The following SASS6 variants were observed in gnomAD, a reference collection of about 807,000 sequenced individuals.
SASS6 encodes spindle assembly abnormal protein 6 homolog.
In SASS6, 59 loss-of-function variants were observed where a neutral mutation model predicts 94.9. The observed-to-expected ratio is 0.62, with a 90% CI of 0.50 to 0.77. SASS6 has a LOEUF of 0.77. SASS6 is among the 30% of genes least tolerant of loss of function. The pLI, the probability that SASS6 is intolerant of heterozygous loss-of-function variation, is 0.00. For missense variants in SASS6, 698 were observed against 734.1 expected, an observed-to-expected ratio of 0.95 and a Z score of 0.57; for synonymous variants, 264 against 270.0, an observed-to-expected ratio of 0.98 and a Z score of 0.22.
intron 1 of SASS6, among the ~76,000 whole-genome samples, chr1:100,126,544 G>A (rs986589229): frequency 9.2e-5 from 14 of 152,150 alleles, no homozygotes; most frequent in African/African-American, 2.4e-4. Context: ...TTGGGTGGCT[G>A]AAGCAGGCAG....
In SASS6 at chr1:100,085,522, A is replaced by C. The variant is rs1651180495; in HGVS notation, c.1867+14T>G. On this transcript the variant is annotated intron_variant, in intron 16 of 16. Coordinates refer to ENST00000287482, the MANE Select transcript of SASS6 (RefSeq NM_194292.3). The stretch of plus-strand genomic sequence containing the variant: ...TCAACTATAAAGTACAAAAATCCAG[A>C]AATCCCTGCTTACCTGAATTACTAA... 2 of 1,601,518 alleles carry C rather than the reference A, an allele frequency of 1.2e-6. No homozygotes were observed. Among genetic ancestry groups the C allele is most frequent in the African/African-American group, 1.3e-5 (1 of 74,650 alleles).
At chr1:100,113,548 GA>G (rs1401319432) in intron 7 of SASS6, among the ~76,000 whole-genome samples, 1 of 151,556 alleles carries the variant, frequency 6.6e-6, no homozygotes, top group Non-Finnish European at 1.5e-5. Context: ...GTGAACCCGG[GA>G]GGCAGAGCTT....
chr1:100,121,614 G>C, intron 4 of SASS6, 65 bp from the exon 5 acceptor site: 1 of 904,924 alleles, frequency 1.1e-6, no homozygotes, highest in Non-Finnish European at 1.7e-6. Context: ...CACTGAATCA[G>C]AAGCTTCTCT....
At chr1:100,106,860 AT>A in intron 12 of SASS6, 51 bp downstream of exon 12, 2 of 821,780 alleles carry the variant, frequency 2.4e-6, no homozygotes, top group Non-Finnish European at 4.1e-6. Flanking sequence ...TCTCAAAAAA[AT>A]AAAAGAATAA....
Position 100,085,149 on chromosome 1 carries a change from C to T in SASS6, c.*179G>A. On this transcript the variant is annotated 3_prime_UTR_variant, in exon 17 of 17. Coordinates refer to ENST00000287482, the MANE Select transcript of SASS6 (RefSeq NM_194292.3). ...TTTACTCACAATCTTTACCAATCCCCAAGTACAAATTTGTTCCTATATTAT... is the reference window on the plus strand; with the variant it reads ...TTTACTCACAATCTTTACCAATCCCTAAGTACAAATTTGTTCCTATATTAT... The T allele has an allele frequency of 1.9e-6, 1 of 538,518 alleles. No homozygotes were observed. The highest frequency in any genetic ancestry group is 3.3e-6 in the Non-Finnish European group (1 of 300,480). 33.4% of individuals were successfully genotyped at this position (538,518 alleles called of 1,614,324 possible). A position where few individuals can be genotyped will look rare whatever the true frequency, so the allele number is the denominator to read the frequency against.
chr1:100,121,430 C>T lies in SASS6; in HGVS notation c.431G>A (p.Gly144Glu). Residue 144 changes from glycine (G) to glutamate (E), a missense_variant, in exon 5 of 17, where the codon GGA (glycine) becomes GAA (glutamate). Transcript: ENST00000287482. ...AAATTTCTTTATCTCCACATCATTTCCAGGTAAAAGTTTTAGTGAGAGGTG... is the reference window on the plus strand; with the variant it reads ...AAATTTCTTTATCTCCACATCATTTTCAGGTAAAAGTTTTAGTGAGAGGTG... ...LTHLSLKLLP[G>E]NDVEIKKFLA... The T allele has an allele frequency of 6.3e-7, 1 of 1,598,066 alleles. No individual in the cohort carries two copies. Among genetic ancestry groups the T allele is most frequent in the Non-Finnish European group, 8.5e-7 (1 of 1,174,304 alleles).
chr1:100,108,791 T>C (rs1298849435), intron 8 of SASS6, among the ~76,000 whole-genome samples: 1 of 152,104 alleles, frequency 6.6e-6, no homozygotes, highest in Non-Finnish European at 1.5e-5. Flanking sequence ...CTCAGTTCCC[T>C]CATTTGTAAA....
At chr1:100,122,548 C>G in intron 3 of SASS6, 64 bp from the exon 4 acceptor site, 3 of 390,264 alleles carry the variant, frequency 7.7e-6, no homozygotes, top group Non-Finnish European at 8.3e-6. Context: ...TGTTTTGGTG[C>G]CTTTTTTTTT....
chr1:100,102,910 G>A, intron 14 of SASS6, 45 bp downstream of exon 14: 2 of 1,466,820 alleles, frequency 1.4e-6, no homozygotes, highest in Non-Finnish European at 1.9e-6. Flanking sequence ...ATGCTAATAG[G>A]TTGCTATATT....
intron 13 of SASS6, among the ~76,000 whole-genome samples, chr1:100,104,838 G>A (rs977391819): frequency 4.0e-5 from 6 of 150,464 alleles, no homozygotes; most frequent in Middle Eastern, 3.5e-3. Flanking sequence ...CTATAATCCC[G>A]GCACTTTGAG....
rs507233 is a variant in SASS6, at chr1:100,121,694, A to C, written c.312-145T>G. On this transcript the variant is annotated intron_variant, in intron 4 of 16. Coordinates refer to ENST00000287482, the MANE Select transcript of SASS6 (RefSeq NM_194292.3). ...GGTAAAAGATAAATTGGGCAAAAAA[A>C]AGAAAAGATTGACTGAAACACAGTG... 433,218 of 524,972 alleles carry C rather than the reference A, an allele frequency of 0.83. 183,039 individuals are homozygous for C. Among genetic ancestry groups the C allele is most frequent in the East Asian group, 0.94 (26,522 of 28,266 alleles). The allele number at this position is 524,972 out of a possible 1,614,324, so 32.5% of individuals were successfully genotyped here. A position where few individuals can be genotyped will look rare whatever the true frequency, so the allele number is the denominator to read the frequency against.
intron 1 of SASS6, among the ~76,000 whole-genome samples, chr1:100,129,809 T>C (rs899478785): frequency 6.6e-6 from 1 of 152,224 alleles, no homozygotes; most frequent in Admixed American, 6.5e-5. Context: ...AAAAGGCAGA[T>C]TAGTGTCAAA....
intron 6 of SASS6, among the ~76,000 whole-genome samples, 169 bp from the exon 7 acceptor site, chr1:100,119,306 CA>C (rs1411798206): frequency 6.6e-6 from 1 of 152,134 alleles, no homozygotes. Context: ...AGGAAATCAA[CA>C]TTAGAATAAG....
chr1:100,095,036 T>C (rs942977126), intron 14 of SASS6, among the ~76,000 whole-genome samples: 17 of 152,120 alleles, frequency 1.1e-4, no homozygotes, highest in African/African-American at 3.4e-4. Flanking sequence ...ACCATATCAA[T>C]TGAAAAAGCA....
chr1:100,094,791 AG>A (rs1330143012), intron 14 of SASS6, among the ~76,000 whole-genome samples: 2 of 149,500 alleles, frequency 1.3e-5, no homozygotes, highest in African/African-American at 5.0e-5. Flanking sequence ...GCTGGAACCC[AG>A]GAGGCAGAGG....
Position 100,122,294 on chromosome 1 carries a change from G to T in SASS6, c.311+86C>A, listed in dbSNP as rs748967939. ...ATAAACAGGGATAGTCATAATAAAC[G>T]GAAAAGATTTTGCCATCAACTTGTG... On this transcript the variant is annotated intron_variant, in intron 4 of 16. Coordinates refer to ENST00000287482, the MANE Select transcript of SASS6 (RefSeq NM_194292.3). 3.6e-5 allele frequency: 22 copies of T among 614,034 alleles called. 1 individual carries two copies. The highest frequency in any genetic ancestry group is 1.1e-4 in the Admixed American group (4 of 34,942). The allele number at this position is 614,034 out of a possible 1,614,324, so 38.0% of individuals were successfully genotyped here.
intron 13 of SASS6, 82 bp from the exon 14 acceptor site, chr1:100,103,165 G>C: frequency 2.4e-6 from 2 of 836,130 alleles, no homozygotes; most frequent in South Asian, 3.6e-5. Flanking sequence ...ATTAGCATCT[G>C]TTATAATAAC....
Position 100,085,417 on chromosome 1 carries a change from T to C in SASS6, c.1885A>G (p.Thr629Ala), listed in dbSNP as rs1444098573. ...GAAGATGTATGTAATGCTCCTAAAG[T>C]GCCATCTCTCTGATGGTCTGCAAAT... ...FSNSDHQRDG[T>A]LGALHTSSKP... Residue 629 changes from threonine (T) to alanine (A), a missense_variant, in exon 17 of 17, where the codon ACT becomes GCT. Transcript: ENST00000287482. 5.0e-6 allele frequency: 8 copies of C among 1,612,398 alleles called. 1 individual carries two copies. The highest frequency in any genetic ancestry group is 1.7e-4 in the Middle Eastern group (1 of 6,058).
chr1:100,121,478 G>C lies in SASS6; in HGVS notation c.383C>G (p.Thr128Arg). 6.3e-7 allele frequency: 1 copy of C among 1,596,804 alleles called. No individual in the cohort carries two copies. The stretch of plus-strand genomic sequence containing the variant: ...GTGTGTAAGATGCTTAAAAGGATTT[G>C]TCTCTACCACATTTAAAAATGCAGG... ...NSPAFLNVVE[T>R]NPFKHLTHLS... Residue 128 changes from threonine (T) to arginine (R), a missense_variant, in exon 5 of 17, where the codon ACA (threonine) becomes AGA (arginine). Coordinates refer to ENST00000287482, the MANE Select transcript of SASS6 (RefSeq NM_194292.3).
Sources: gnomAD v4.1 joint callset for allele counts (sites outside exome capture counted in the v4.1 genomes callset) on GRCh38, gnomAD v4.1.1 for gene constraint, MANE v1.5 for transcripts, NCBI Gene and HGNC (gene_info 2026-07-23, HGNC 2026-07-21) for gene names.